Variants in GNG12 observed in about 807,000 individuals in gnomAD.
GNG12 encodes the protein guanine nucleotide-binding protein G(I)/G(S)/G(O) subunit gamma-12.
For synonymous variants in GNG12, 28 were observed against 29.7 expected (o/e 0.94, Z 0.19); for missense variants, 69 against 83.8 (o/e 0.82, Z 0.69).
chr1:67,731,538 G>A (rs1376616026), intron 2 of GNG12, among the ~76,000 whole-genome samples: 1 of 152,222 alleles, frequency 6.6e-6, no homozygotes, highest in Non-Finnish European at 1.5e-5. Flanking sequence ...CATTCTAAGT[G>A]AGGGACAAAG....
chr1:67,774,836 T>G (rs998048942), intron 2 of GNG12, among the ~76,000 whole-genome samples: 1 of 152,198 alleles, frequency 6.6e-6, no homozygotes, highest in Admixed American at 6.5e-5. Flanking sequence ...ACCAGGCATT[T>G]TGAAGAGGAA....
At chr1:67,830,173 T>C (rs906321594) in intron 1 of GNG12, among the ~76,000 whole-genome samples, 2 of 152,294 alleles carry the variant, frequency 1.3e-5, no homozygotes, top group South Asian at 4.1e-4. Context: ...GCCTGGTTTA[T>C]TTTGTATTTT....
intron 2 of GNG12, among the ~76,000 whole-genome samples, chr1:67,720,087 C>T (rs1169731202): frequency 6.6e-6 from 1 of 152,218 alleles, no homozygotes; most frequent in African/African-American, 2.4e-5. Context: ...CACAGATGCT[C>T]ACTTGCTTGG....
chr1:67,795,596 C>T (rs1646826921), intron 1 of GNG12, among the ~76,000 whole-genome samples: 1 of 152,184 alleles, frequency 6.6e-6, no homozygotes, highest in African/African-American at 2.4e-5. Context: ...ACTTCAAAAA[C>T]CTTGGCAGAG....
intron 3 of GNG12, among the ~76,000 whole-genome samples, chr1:67,707,361 G>A (rs1448636041): frequency 6.6e-6 from 1 of 152,208 alleles, no homozygotes; most frequent in African/African-American, 2.4e-5. Context: ...CAGGTCCTTA[G>A]GAAATCCTGT....
intron 1 of GNG12, among the ~76,000 whole-genome samples, chr1:67,827,202 A>G (rs1251102131): frequency 6.6e-6 from 1 of 152,178 alleles, no homozygotes; most frequent in African/African-American, 2.4e-5. Flanking sequence ...TCCTATGTCA[A>G]TTACATGACC....
intron 1 of GNG12, among the ~76,000 whole-genome samples, chr1:67,786,985 GTATGTATATATATGTGTATATC>G (rs1646772862): frequency 8.4e-6 from 1 of 118,962 alleles, no homozygotes; most frequent in African/African-American, 3.2e-5. Context: ...GTGTGTGTGT[GTATGTATATATATGTGTATATC>G]TGTGTGTGTG....
At chr1:67,761,701 G>A (rs547988435) in intron 2 of GNG12, among the ~76,000 whole-genome samples, 1 of 152,152 alleles carries the variant, frequency 6.6e-6, no homozygotes, top group Admixed American at 6.5e-5. Flanking sequence ...GTATATCCGA[G>A]ATCGGCAAAC....
chr1:67,797,726 TGGAAAAAATAA>T (rs1450698848), intron 1 of GNG12, among the ~76,000 whole-genome samples: 3 of 152,096 alleles, frequency 2.0e-5, no homozygotes, highest in Non-Finnish European at 4.4e-5. Context: ...GGATGGGAAA[TGGAAAAAATAA>T]CCATCAGTCC....
At chr1:67,803,225 G>T (rs769478744) in intron 1 of GNG12, among the ~76,000 whole-genome samples, 3 of 69,586 alleles carry the variant, frequency 4.3e-5, no homozygotes, top group African/African-American at 6.3e-5. Flanking sequence ...TTAATTTAAA[G>T]TTAGTTGGTT....
At chr1:67,772,148 T>C (rs77380753) in intron 2 of GNG12, among the ~76,000 whole-genome samples, 17,708 of 152,184 alleles carry the variant, frequency 0.12, 1,315 homozygotes, top group African/African-American at 0.21. Context: ...ATGGAAAACA[T>C]AATCCTTTCT....
At chr1:67,743,435 C>T (rs934798712) in intron 2 of GNG12, among the ~76,000 whole-genome samples, 12 of 152,202 alleles carry the variant, frequency 7.9e-5, no homozygotes, top group Non-Finnish European at 1.6e-4. Flanking sequence ...TGTCTCCATA[C>T]AGCAAATGAC....
At chr1:67,765,706 G>C (rs1435582180) in intron 2 of GNG12, among the ~76,000 whole-genome samples, 1 of 152,222 alleles carries the variant, frequency 6.6e-6, no homozygotes, top group African/African-American at 2.4e-5. Context: ...ACCTGTGACT[G>C]AATCTGGCAG....
chr1:67,825,614 C>G (rs1210520972), intron 1 of GNG12, among the ~76,000 whole-genome samples: 1 of 152,180 alleles, frequency 6.6e-6, no homozygotes, highest in Non-Finnish European at 1.5e-5. Context: ...AGACTCCGCA[C>G]CTTTTAACCT....
intron 2 of GNG12, among the ~76,000 whole-genome samples, chr1:67,730,851 T>C (rs1347355899): frequency 6.6e-6 from 1 of 152,224 alleles, no homozygotes. Context: ...CTGTAATCTA[T>C]TGTTTCAGAG....
At chr1:67,825,729 G>T (rs12061173) in intron 1 of GNG12, among the ~76,000 whole-genome samples, 1 of 152,280 alleles carries the variant, frequency 6.6e-6, no homozygotes, top group East Asian at 1.9e-4. Context: ...AAAGGCCTAC[G>T]GCTGGTCAAT....
intron 1 of GNG12, among the ~76,000 whole-genome samples, chr1:67,805,872 A>C (rs949774423): frequency 5.3e-5 from 8 of 151,186 alleles, no homozygotes; most frequent in Admixed American, 4.6e-4. Context: ...AACCTCAGAA[A>C]ATCAAAGATA....
intron 2 of GNG12, among the ~76,000 whole-genome samples, chr1:67,740,181 T>C (rs1362328858): frequency 1.3e-5 from 2 of 152,204 alleles, no homozygotes; most frequent in African/African-American, 4.8e-5. Flanking sequence ...TATATAAGAT[T>C]ATATACAAAG....
In GNG12 at chr1:67,740,333, C is replaced by G. The variant is rs1295158160; in HGVS notation, c.-26-32621G>C. On this transcript the variant is annotated intron_variant, in intron 2 of 3. Transcript: ENST00000370982. ...ATATTTCTTCCCTGCTGATCTGGGG[C>G]AGGGGTCTGTAAATTACAGCCAGTG... 2.0e-5 allele frequency among the ~76,000 whole-genome samples: 3 copies of G among 152,206 alleles called. No individual in the cohort carries two copies. In the East Asian group the frequency reaches 5.8e-4, roughly 29 times the overall value.
Sources: allele counts gnomAD v4.1 joint callset (sites outside exome capture counted in the v4.1 genomes callset), GRCh38; gene constraint gnomAD v4.1.1; transcripts MANE v1.5; gene names NCBI Gene and HGNC (gene_info 2026-07-23, HGNC 2026-07-21).